The following CSDE1 variants were observed in gnomAD, a reference collection of about 807,000 sequenced individuals.
The protein encoded by CSDE1 is cold shock domain-containing protein E1.
In CSDE1, 17 loss-of-function variants were observed where a neutral mutation model predicts 89.3. That is an observed-to-expected ratio of 0.19 (90% CI 0.13 to 0.29). The LOEUF (loss-of-function observed/expected upper bound fraction) is 0.29. Among genes scored for constraint, CSDE1 ranks in the 10% least tolerant of loss-of-function variants. The pLI is 1.00. For synonymous variants in CSDE1, 322 were observed against 332.8 expected, an observed-to-expected ratio of 0.97 and a Z score of 0.35; for missense variants, 672 against 984.2, an observed-to-expected ratio of 0.68 and a Z score of 4.24.
At position 114,738,599 on chromosome 1, in the gene CSDE1, A is replaced by G. The variant is rs558999215; in HGVS notation, c.200-527T>C. 2.0e-5 allele frequency among the ~76,000 whole-genome samples: 3 copies of G among 151,970 alleles called. No individual in the cohort carries two copies. The East Asian group carries it at 5.8e-4, about 29-fold the overall frequency. ...TGACTCTTTTCTCAAACGTTTTTTA[A>G]AAATGCACAGAGGCCTCATAATTTC... On this transcript the variant is annotated intron_variant, in intron 3 of 19. Coordinates refer to ENST00000358528, the MANE Select transcript of CSDE1 (RefSeq NM_001007553.3).
At chr1:114,748,449 T>A (rs764576990) in intron 2 of CSDE1, 1 of 152,232 alleles carries the variant, frequency 6.6e-6, no homozygotes, top group Non-Finnish European at 1.5e-5. Context: ...TTGCTCTTCA[T>A]AAGCCTACCC....
Position 114,736,740 on chromosome 1 carries a change from T to TAA in CSDE1, c.500+16_500+17dup. ...AAAAAACCGCTTAGGTGAGAAAATT[T>TAA]AAAAAAAAAGAACTTACTGTTTATT... On this transcript the variant is annotated intron_variant, in intron 6 of 19. Coordinates refer to ENST00000358528, the MANE Select transcript of CSDE1 (RefSeq NM_001007553.3). 12 of 1,524,826 alleles carry TAA rather than the reference T, an allele frequency of 7.9e-6. No individual in the cohort carries two copies. Among genetic ancestry groups the TAA allele is most frequent in the Non-Finnish European group, 8.1e-6 (9 of 1,114,702 alleles). 94.5% of individuals were successfully genotyped at this position (1,524,826 alleles called of 1,614,324 possible).
At chr1:114,718,392 C>T (rs953203078) in intron 19 of CSDE1, among the ~76,000 whole-genome samples, 176 bp from the exon 20 acceptor site, 2 of 152,202 alleles carry the variant, frequency 1.3e-5, no homozygotes, top group African/African-American at 2.4e-5. Flanking sequence ...CCATTCATTA[C>T]CTAAACTGTC....
intron 6 of CSDE1, among the ~76,000 whole-genome samples, chr1:114,735,314 CAAAT>C (rs1660341725): frequency 6.6e-6 from 1 of 152,114 alleles, no homozygotes; most frequent in Non-Finnish European, 1.5e-5. Flanking sequence ...TTTTCACAGA[CAAAT>C]AACCCAAAAT....
At chr1:114,747,983 A>T (rs1350481403) in intron 2 of CSDE1, among the ~76,000 whole-genome samples, 2 of 152,366 alleles carry the variant, frequency 1.3e-5, no homozygotes, top group East Asian at 3.8e-4. Context: ...ATTATTTTTT[A>T]AAAATCAGCT....
At chr1:114,741,001 A>G (rs1171217666) in intron 2 of CSDE1, among the ~76,000 whole-genome samples, 1 of 152,206 alleles carries the variant, frequency 6.6e-6, no homozygotes, top group East Asian at 1.9e-4. Context: ...TGATGGTCAA[A>G]TCACGTAAAT....
chr1:114,757,397 A>C (rs755751334), intron 1 of CSDE1, among the ~76,000 whole-genome samples: 1 of 152,114 alleles, frequency 6.6e-6, no homozygotes, highest in Non-Finnish European at 1.5e-5. Context: ...ATTCCCAAGC[A>C]GGTAACGGCC....
chr1:114,743,854 A>G (rs1407047462), intron 2 of CSDE1, among the ~76,000 whole-genome samples: 3 of 152,190 alleles, frequency 2.0e-5, no homozygotes, highest in African/African-American at 7.2e-5. Context: ...CTCTTTCCCT[A>G]GCCTTTATCC....
At chr1:114,730,884 G>GA (rs1180567645) in intron 10 of CSDE1, among the ~76,000 whole-genome samples, 1 of 152,124 alleles carries the variant, frequency 6.6e-6, no homozygotes, top group African/African-American at 2.4e-5. Flanking sequence ...ATATGCACTA[G>GA]AAAAAATTAC....
intron 6 of CSDE1, among the ~76,000 whole-genome samples, chr1:114,735,924 G>A (rs899582445): frequency 2.0e-5 from 3 of 151,924 alleles, no homozygotes; most frequent in Non-Finnish European, 2.9e-5. Context: ...ACCTATACAC[G>A]CAACTGTAGA....
chr1:114,735,825 T>C (rs1660369145), intron 6 of CSDE1, among the ~76,000 whole-genome samples: 1 of 152,156 alleles, frequency 6.6e-6, no homozygotes, highest in Non-Finnish European at 1.5e-5. Context: ...ACATTTTCCT[T>C]AACTGTGTAT....
chr1:114,719,592 C>T lies in CSDE1; in HGVS notation c.2203G>A (p.Val735Ile). ...AACAAAACTCACCAGACTCGCCAAA[C>T]ATTACAGGCGCTGCACTTGCCAGTG... is the stretch of plus-strand genomic sequence containing the variant. Reference protein sequence around the residue: ...QRTGKCSACNVWRVCEGPKAV... With the variant: ...QRTGKCSACNIWRVCEGPKAV... The change falls in exon 18 of 20, where the codon GTT becomes ATT. Residue 735 changes from valine (V) to isoleucine (I), a missense_variant. This residue lies in a region of CSDE1 where 206 missense variants were observed against 332.4 expected (regional missense o/e 0.62). Transcript: ENST00000358528. 1 of 1,613,162 alleles carries T rather than the reference C, an allele frequency of 6.2e-7. No individual in the cohort carries two copies. Among genetic ancestry groups the T allele is most frequent in the African/African-American group, 1.3e-5 (1 of 75,012 alleles).
chr1:114,734,188 G>GT, intron 7 of CSDE1, 71 bp from the exon 8 acceptor site: 1 of 1,507,232 alleles, frequency 6.6e-7, no homozygotes, highest in Non-Finnish European at 8.9e-7. Context: ...CTTAAAACCA[G>GT]TAATTTTTGT....
chr1:114,745,382 T>A (rs142676467), intron 2 of CSDE1, among the ~76,000 whole-genome samples: 86 of 152,332 alleles, frequency 5.6e-4, no homozygotes, highest in African/African-American at 2.0e-3. Context: ...TATGTGGTCA[T>A]TGGAAACAAT....
chr1:114,737,951 A>G lies in CSDE1; in HGVS notation c.309+12T>C, dbSNP rs754708623. On this transcript the variant is annotated intron_variant, in intron 4 of 19. Coordinates refer to ENST00000358528, the MANE Select transcript of CSDE1 (RefSeq NM_001007553.3). ...GGGCCCTAAAAAAACACAAAGCATC[A>G]AAGTCACTAACTTGTCCATTCATTC... The G allele has an allele frequency of 7.6e-6, 12 of 1,577,560 alleles. No homozygotes were observed. In the African/African-American group the frequency reaches 9.4e-5, roughly 12 times the overall value.
Position 114,739,749 on chromosome 1 carries a change from T to G in CSDE1, c.142A>C (p.Arg48=), listed in dbSNP as rs1272367172. 1 of 1,614,126 alleles carries G rather than the reference T, an allele frequency of 6.2e-7. No homozygotes were observed. Among genetic ancestry groups the G allele is most frequent in the Non-Finnish European group, 8.5e-7 (1 of 1,179,984 alleles). The change falls in exon 3 of 20, where the codon AGA becomes CGA. Residue 48 remains arginine (R), a synonymous_variant. Coordinates refer to ENST00000358528, the MANE Select transcript of CSDE1 (RefSeq NM_001007553.3). ...TACTGTGAACAGTGGAAGAAAAGTC[T>G]AGCTTGACGTTCTGAACACTGAATA... The part of the protein sequence containing the change: ...GFIQCSERQA[R]LFFHCSQYNG...
At chr1:114,744,569 A>C (rs953423672) in intron 2 of CSDE1, among the ~76,000 whole-genome samples, 2 of 152,182 alleles carry the variant, frequency 1.3e-5, no homozygotes, top group Non-Finnish European at 2.9e-5. Flanking sequence ...CCCTGTCTCA[A>C]AACAAAAACA....
chr1:114,733,340 A>G (rs1660206609), intron 9 of CSDE1, among the ~76,000 whole-genome samples: 1 of 152,126 alleles, frequency 6.6e-6, no homozygotes, highest in African/African-American at 2.4e-5. Flanking sequence ...ATCCTTGCCA[A>G]CAGGGTGAAA....
chr1:114,747,253 T>C (rs913340388), intron 2 of CSDE1, among the ~76,000 whole-genome samples: 1 of 152,188 alleles, frequency 6.6e-6, no homozygotes, highest in Non-Finnish European at 1.5e-5. Context: ...TTTTTACTGA[T>C]TTTACAAAAC....
Sources: gnomAD v4.1 joint callset for allele counts (sites outside exome capture counted in the v4.1 genomes callset) on GRCh38, gnomAD v4.1.1 for gene constraint, gnomAD v4.1.1 regional missense constraint, MANE v1.5 for transcripts, NCBI Gene and HGNC (gene_info 2026-07-23, HGNC 2026-07-21) for gene names.